Variants in GSE1 observed in about 807,000 individuals in gnomAD.
GSE1 encodes the protein genetic suppressor element 1.
In GSE1, 32 loss-of-function variants were observed where a neutral mutation model predicts 112.6. The ratio of observed to expected loss-of-function variants is 0.28; its 90% confidence interval spans 0.21 to 0.38. The LOEUF is 0.38. GSE1 is among the 10% of genes least tolerant of loss of function. The pLI is 1.00. For missense variants in GSE1, 2,348 were observed against 1,699.2 expected (o/e 1.38, Z -6.71); for synonymous variants, 1,115 against 735.6 (o/e 1.52, Z -8.35).
At chr16:85,287,876 C>G (rs2045085258) in intron 1 of GSE1, among the ~76,000 whole-genome samples, 1 of 152,140 alleles carries the variant, frequency 6.6e-6, no homozygotes, top group Non-Finnish European at 1.5e-5. Context: ...ATCCCTAGGA[C>G]TCAGAATAAT....
At chr16:85,233,563 T>C (rs373440151) in intron 1 of GSE1, among the ~76,000 whole-genome samples, 4 of 152,194 alleles carry the variant, frequency 2.6e-5, no homozygotes, top group African/African-American at 9.7e-5. Context: ...GATGCTTGCA[T>C]GTATGCGGTG....
At chr16:85,484,899 G>A (rs908988758) in intron 2 of GSE1, among the ~76,000 whole-genome samples, 1 of 152,160 alleles carries the variant, frequency 6.6e-6, no homozygotes, top group Admixed American at 6.5e-5. Flanking sequence ...TGTGGGTGCT[G>A]CCTCACCCTG....
In GSE1 at chr16:85,648,583, G is replaced by A; in HGVS notation, c.258G>A (p.Val86=). 1 of 1,599,514 alleles carries A rather than the reference G, an allele frequency of 6.3e-7. No homozygotes were observed. The highest frequency in any genetic ancestry group is 8.5e-7 in the Non-Finnish European group (1 of 1,173,122). ...GSSLSSESSP[V]SSPATNHSSP... The stretch of plus-strand genomic sequence containing the variant: ...CACTGAGCAGCGAGTCGTCCCCCGT[G>A]TCCTCTCCGGCCACCAACCACAGCT... Residue 86 remains valine, a synonymous_variant, in exon 3 of 16, where the codon GTG becomes GTA. Transcript: ENST00000253458.
chr16:85,414,356 G>C (rs2151723403), intron 2 of GSE1, among the ~76,000 whole-genome samples: 1 of 152,312 alleles, frequency 6.6e-6, no homozygotes, highest in Admixed American at 6.5e-5. Context: ...CCCACAATAT[G>C]GATTTCACAT....
exon 1 of GSE1, chr16:85,171,579 C>G (rs536956448): frequency 8.2e-4 from 809 of 985,578 alleles, no homozygotes; most frequent in Non-Finnish European, 9.2e-4. Flanking sequence ...TCGTGTGCTT[C>G]TTTTGTCAGC....
At chr16:85,350,536 T>C (rs1185034927) in intron 1 of GSE1, among the ~76,000 whole-genome samples, 2 of 152,102 alleles carry the variant, frequency 1.3e-5, no homozygotes, top group Non-Finnish European at 2.9e-5. Flanking sequence ...TGAGGGACAC[T>C]GGACAGGCCC....
intron 2 of GSE1, among the ~76,000 whole-genome samples, chr16:85,636,846 C>T (rs114600396): frequency 0.019 from 2,831 of 152,278 alleles, 86 homozygotes; most frequent in African/African-American, 0.059. Context: ...GCTGTCAGCA[C>T]GCTGACCCTG....
chr16:85,648,971 A>G (rs1416666742), intron 3 of GSE1, among the ~76,000 whole-genome samples: 6 of 152,046 alleles, frequency 3.9e-5, no homozygotes, highest in Non-Finnish European at 8.8e-5. Flanking sequence ...TCAGTCTGTC[A>G]GAAGAAACCA....
chr16:85,413,417 C>T (rs1300002160), intron 2 of GSE1, among the ~76,000 whole-genome samples: 3 of 152,020 alleles, frequency 2.0e-5, no homozygotes, highest in African/African-American at 7.3e-5. Flanking sequence ...CAGCTGTGAC[C>T]CCCAAGCATG....
chr16:85,611,809 G>T (rs985058787), upstream of GSE1, among the ~76,000 whole-genome samples: 1 of 151,872 alleles, frequency 6.6e-6, no homozygotes, highest in African/African-American at 2.4e-5. Flanking sequence ...AGATGGATGG[G>T]GGGTGGCAGG....
At chr16:85,534,810 G>T (rs1219653332) in intron 2 of GSE1, among the ~76,000 whole-genome samples, 2 of 152,200 alleles carry the variant, frequency 1.3e-5, no homozygotes, top group East Asian at 1.9e-4. Context: ...ACGTCCGTCA[G>T]CGTTGCTGCG....
chr16:85,359,890 C>T (rs766460032), intron 2 of GSE1, among the ~76,000 whole-genome samples: 10 of 152,102 alleles, frequency 6.6e-5, no homozygotes, highest in African/African-American at 2.2e-4. Context: ...AAAAATTAGC[C>T]GGGCATGGTG....
upstream of GSE1, among the ~76,000 whole-genome samples, chr16:85,606,899 A>T (rs964121573): frequency 8.5e-5 from 13 of 152,312 alleles, no homozygotes; most frequent in Admixed American, 8.5e-4. Flanking sequence ...CTGCTCCCCC[A>T]GCCCCCTTCC....
chr16:85,396,601 C>T (rs748427772), intron 2 of GSE1, among the ~76,000 whole-genome samples: 2 of 152,228 alleles, frequency 1.3e-5, no homozygotes, highest in African/African-American at 2.4e-5. Flanking sequence ...GTTGGCTGAA[C>T]GGGCAGCTTC....
At chr16:85,220,656 C>T (rs548635551) in intron 1 of GSE1, among the ~76,000 whole-genome samples, 243 of 152,230 alleles carry the variant, frequency 1.6e-3, no homozygotes, top group African/African-American at 5.6e-3. Flanking sequence ...TGCCCTGGCC[C>T]GTCTCGCTTT....
At chr16:85,517,806 C>A (rs2052003160) in intron 2 of GSE1, among the ~76,000 whole-genome samples, 2 of 152,268 alleles carry the variant, frequency 1.3e-5, no homozygotes, top group Admixed American at 6.5e-5. Flanking sequence ...CGCCTCATGG[C>A]CTCACATGCT....
rs1208662591 is a variant in GSE1, at chr16:85,676,125, A to C, written c.*3586A>C. The C allele has an allele frequency of 1.3e-5, 2 of 152,668 alleles. No individual in the cohort carries two copies. Among genetic ancestry groups the C allele is most frequent in the African/African-American group, 4.8e-5 (2 of 41,454 alleles). The allele number at this position is 152,668 out of a possible 1,614,324, so 9.5% of individuals were successfully genotyped here. A position where few individuals can be genotyped will look rare whatever the true frequency, so the allele number is the denominator to read the frequency against. ...ATTGTATTGTAATATTATTTGTTGA[A>C]TGTAGTAATTAGGTATTTATGAATA... On this transcript the variant is annotated 3_prime_UTR_variant, in exon 16 of 16. Transcript: ENST00000253458.
rs528492250 is a variant in GSE1, at chr16:85,374,496, T to A, written c.2464+16853T>A. Among the ~76,000 whole-genome samples the A allele has an allele frequency of 9.3e-5, 14 of 149,886 alleles. No individual in the cohort carries two copies. The South Asian group carries it at 2.4e-3, about 25-fold the overall frequency. On this transcript the variant is annotated intron_variant, in intron 2 of 2. Transcript: ENST00000637419. ...GTATGATTGTGTGTGGGTGTGTGGCTCTCAGTGTATAATGTGTGTCAGTGT... is the reference window on the plus strand; with the variant it reads ...GTATGATTGTGTGTGGGTGTGTGGCACTCAGTGTATAATGTGTGTCAGTGT...
upstream of GSE1, among the ~76,000 whole-genome samples, chr16:85,612,185 C>T (rs865946674): frequency 1.8e-3 from 275 of 150,840 alleles, 3 homozygotes; most frequent in African/African-American, 6.4e-3. Flanking sequence ...CCCCTGCCCC[C>T]GAGGCCCGCC....
Sources: gnomAD v4.1 joint callset for allele counts (sites outside exome capture counted in the v4.1 genomes callset) on GRCh38, gnomAD v4.1.1 for gene constraint, MANE v1.5 for transcripts, NCBI Gene and HGNC (gene_info 2026-07-23, HGNC 2026-07-21) for gene names.